Variants in NIPAL2 observed in about 807,000 individuals in gnomAD.
NIPAL2 encodes NIPA-like protein 2.
Under a neutral mutation model 48.9 loss-of-function variants are expected in NIPAL2, and 43 were observed. The ratio of observed to expected loss-of-function variants is 0.88; its 90% confidence interval spans 0.69 to 1.13. NIPAL2 has a LOEUF of 1.13. NIPAL2 is among the 50% of genes most tolerant of loss of function. NIPAL2 has a pLI of 0.00. For missense variants in NIPAL2, 446 were observed against 461.4 expected, an observed-to-expected ratio of 0.97 and a Z score of 0.31; for synonymous variants, 167 against 174.6, an observed-to-expected ratio of 0.96 and a Z score of 0.34.
chr8:98,260,570 C>T lies in NIPAL2; in HGVS notation c.136-6483G>A, dbSNP rs550200278. 3.0e-4 allele frequency among the ~76,000 whole-genome samples: 45 copies of T among 152,216 alleles called. No homozygotes were observed. The South Asian group carries it at 3.3e-3, about 11-fold the overall frequency. On this transcript the variant is annotated intron_variant, in intron 1 of 10. Transcript: ENST00000430223. ...CAACCCGAATACTGCGCTTTTCCGA[C>T]GGGCTTAAAAAACGGCGCACCACGA...
chr8:98,203,360 T>C (rs776872805), intron 7 of NIPAL2, among the ~76,000 whole-genome samples, 164 bp from the exon 8 acceptor site: 19 of 152,176 alleles, frequency 1.2e-4, no homozygotes, highest in Non-Finnish European at 1.6e-4. Context: ...ATGCATCTGA[T>C]GTATGAGATC....
chr8:98,230,717 T>C (rs1283170954), intron 4 of NIPAL2, among the ~76,000 whole-genome samples: 1 of 152,166 alleles, frequency 6.6e-6, no homozygotes, highest in Non-Finnish European at 1.5e-5. Context: ...ACCAAAAATG[T>C]GGTTGGAGGA....
At chr8:98,277,803 T>A (rs1815563802) in intron 1 of NIPAL2, among the ~76,000 whole-genome samples, 1 of 152,212 alleles carries the variant, frequency 6.6e-6, no homozygotes, top group Admixed American at 6.5e-5. Context: ...CTAGAGCATG[T>A]ACTATTTCTT....
At chr8:98,227,746 T>G (rs1203592915) in intron 4 of NIPAL2, among the ~76,000 whole-genome samples, 4 of 152,212 alleles carry the variant, frequency 2.6e-5, no homozygotes, top group African/African-American at 9.6e-5. Context: ...TGCACTCCCT[T>G]GGCTGCCCAG....
chr8:98,217,488 G>A (rs538222190), intron 5 of NIPAL2, among the ~76,000 whole-genome samples: 22 of 152,294 alleles, frequency 1.4e-4, no homozygotes, highest in Middle Eastern at 6.8e-3. Context: ...ATATGTCAAA[G>A]AATAGTCTTA....
intron 5 of NIPAL2, among the ~76,000 whole-genome samples, chr8:98,214,465 A>G (rs1811476382): frequency 6.6e-6 from 1 of 152,156 alleles, no homozygotes; most frequent in South Asian, 2.1e-4. Context: ...CACCCGGCCC[A>G]GGCTATTATT....
chr8:98,243,083 T>C (rs1813085333), intron 3 of NIPAL2, among the ~76,000 whole-genome samples: 1 of 152,140 alleles, frequency 6.6e-6, no homozygotes, highest in African/African-American at 2.4e-5. Flanking sequence ...GCAACCTTCT[T>C]CTAGTGTTTC....
chr8:98,254,090 G>C lies in NIPAL2; in HGVS notation c.136-3C>G, dbSNP rs1328512125. 6.2e-6 allele frequency: 10 copies of C among 1,607,294 alleles called. No homozygotes were observed. The highest frequency in any genetic ancestry group is 1.7e-5 in the Admixed American group (1 of 59,398). Reference sequence around the variant, plus strand: ...AGCAAAACTCCAAAAAGGTGAATCTGTAAAAGAAAATGTTTTCCTTAAATA... The same window carrying C: ...AGCAAAACTCCAAAAAGGTGAATCTCTAAAAGAAAATGTTTTCCTTAAATA... On this transcript the variant is annotated splice_polypyrimidine_tract_variant and splice_region_variant and intron_variant, in intron 1 of 10. Transcript: ENST00000430223.
intron 1 of NIPAL2, among the ~76,000 whole-genome samples, chr8:98,284,458 T>C (rs565207668): frequency 2.7e-4 from 41 of 152,076 alleles, no homozygotes; most frequent in African/African-American, 8.9e-4. Flanking sequence ...ACACAATGTA[T>C]ATTACAAAAA....
intron 1 of NIPAL2, among the ~76,000 whole-genome samples, chr8:98,260,897 G>C (rs1300529215): frequency 2.6e-5 from 4 of 151,206 alleles, no homozygotes; most frequent in Non-Finnish European, 4.5e-5. Context: ...GCTTTGAAGA[G>C]AGCAGTGGTT....
At chr8:98,243,937 A>G (rs1392344242) in intron 3 of NIPAL2, among the ~76,000 whole-genome samples, 1 of 152,190 alleles carries the variant, frequency 6.6e-6, no homozygotes, top group Non-Finnish European at 1.5e-5. Flanking sequence ...AAGACTGTTC[A>G]ATAACTGTTT....
At chr8:98,268,106 G>A (rs1156994091) in intron 1 of NIPAL2, among the ~76,000 whole-genome samples, 1 of 152,154 alleles carries the variant, frequency 6.6e-6, no homozygotes, top group African/African-American at 2.4e-5. Context: ...AAACAAGTGG[G>A]CAGAGATAAT....
At chr8:98,244,325 G>A (rs113190177) in intron 3 of NIPAL2, among the ~76,000 whole-genome samples, 6,001 of 72,126 alleles carry the variant, frequency 0.083, 860 homozygotes, top group East Asian at 0.2. Flanking sequence ...TGGTGATGAG[G>A]GGTAGTCTGT....
intron 5 of NIPAL2, among the ~76,000 whole-genome samples, chr8:98,216,550 C>A (rs1330515755): frequency 1.3e-5 from 2 of 152,166 alleles, no homozygotes; most frequent in African/African-American, 4.8e-5. Context: ...GTTTCTAATA[C>A]CTGATGGTGG....
At chr8:98,278,512 A>G (rs975373775) in intron 1 of NIPAL2, among the ~76,000 whole-genome samples, 1 of 152,152 alleles carries the variant, frequency 6.6e-6, no homozygotes, top group Admixed American at 6.6e-5. Flanking sequence ...TGAATTCTGC[A>G]TAATTTCCTT....
At chr8:98,259,197 C>T (rs560986025) in intron 1 of NIPAL2, among the ~76,000 whole-genome samples, 23 of 149,610 alleles carry the variant, frequency 1.5e-4, no homozygotes, top group African/African-American at 5.7e-4. Context: ...CTGCCTCAGC[C>T]TCCCGTGTAG....
At chr8:98,205,359 A>G (rs1810980497) in intron 6 of NIPAL2, 113 bp from the exon 7 acceptor site, 2 of 965,546 alleles carry the variant, frequency 2.1e-6, no homozygotes, top group South Asian at 3.4e-5. Flanking sequence ...TTAAGAATGA[A>G]CACAGTTGTG....
Position 98,191,479 on chromosome 8 carries a change from C to CA in NIPAL2, c.*1498dup, listed in dbSNP as rs1233401458. The CA allele has an allele frequency of 8.1e-6, 1 of 122,760 alleles. No individual in the cohort carries two copies. The highest frequency in any genetic ancestry group is 2.7e-5 in the African/African-American group (1 of 37,576). 7.6% of individuals were successfully genotyped at this position (122,760 alleles called of 1,614,324 possible). Reference sequence around the variant, plus strand: ...GATCAATTCAAATCTCTTTCCTTTGCAGCCAGGTTTGGTCAGTCTGGCCAG... The same window carrying CA: ...GATCAATTCAAATCTCTTTCCTTTGCAAGCCAGGTTTGGTCAGTCTGGCCAG... On this transcript the variant is annotated 3_prime_UTR_variant, in exon 11 of 11. Transcript: ENST00000430223.
At chr8:98,211,867 C>T (rs963879504) in intron 6 of NIPAL2, among the ~76,000 whole-genome samples, 1 of 151,662 alleles carries the variant, frequency 6.6e-6, no homozygotes, top group African/African-American at 2.4e-5. Flanking sequence ...ATTAAAAATA[C>T]ATAGTGGGCT....
Sources: allele counts gnomAD v4.1 joint callset (sites outside exome capture counted in the v4.1 genomes callset), GRCh38; gene constraint gnomAD v4.1.1; transcripts MANE v1.5; gene names NCBI Gene and HGNC (gene_info 2026-07-23, HGNC 2026-07-21).